Variants in KCNQ4 observed in about 807,000 individuals in gnomAD.
KCNQ4 encodes potassium voltage-gated channel subfamily KQT member 4.
In KCNQ4, 31 loss-of-function variants were observed where a neutral mutation model predicts 72.6. The ratio of observed to expected loss-of-function variants is 0.43; its 90% CI spans 0.32 to 0.58. The LOEUF is 0.58. KCNQ4 is among the 20% of genes least tolerant of loss of function. The pLI is 0.08. For synonymous variants in KCNQ4, 405 were observed against 403.7 expected (o/e 1.00, Z -0.04); for missense variants, 869 against 962.6 (o/e 0.90, Z 1.29).
At chr1:40,786,031 G>A (rs952702066) in intron 1 of KCNQ4, among the ~76,000 whole-genome samples, 6 of 152,180 alleles carry the variant, frequency 3.9e-5, no homozygotes, top group Non-Finnish European at 8.8e-5. Flanking sequence ...GGGAGGCCTA[G>A]GATGAATATT....
intron 1 of KCNQ4, among the ~76,000 whole-genome samples, chr1:40,805,399 C>T (rs994529777): frequency 2.0e-5 from 3 of 152,124 alleles, no homozygotes; most frequent in African/African-American, 7.2e-5. Flanking sequence ...GTCCGCTTTC[C>T]ACCTCCCCTG....
At chr1:40,820,080 AG>A (rs1156824671) in intron 6 of KCNQ4, 84 bp from the exon 7 acceptor site, 1 of 1,527,106 alleles carries the variant, frequency 6.5e-7, no homozygotes, top group East Asian at 2.3e-5. Context: ...GGTACCTCAG[AG>A]GGGCAAGGAT....
At chr1:40,829,243 C>T (rs999897466) in intron 9 of KCNQ4, among the ~76,000 whole-genome samples, 2 of 152,194 alleles carry the variant, frequency 1.3e-5, no homozygotes, top group African/African-American at 4.8e-5. Flanking sequence ...ACGGACCGGG[C>T]AGGGTGGAGG....
intron 9 of KCNQ4, among the ~76,000 whole-genome samples, chr1:40,829,430 C>A (rs1220412893): frequency 6.6e-6 from 1 of 152,100 alleles, no homozygotes; most frequent in African/African-American, 2.4e-5. Context: ...ACCCTCAGGG[C>A]CCCCATCCTT....
chr1:40,795,163 G>C (rs1310256892), intron 1 of KCNQ4, among the ~76,000 whole-genome samples: 2 of 151,864 alleles, frequency 1.3e-5, no homozygotes, highest in Non-Finnish European at 2.9e-5. Context: ...ATTGCCATCT[G>C]TCCCTGCTCA....
chr1:40,824,349 C>G lies in KCNQ4; in HGVS notation c.1292+91C>G, dbSNP rs1407926173. On this transcript the variant is annotated intron_variant, in intron 9 of 13. Transcript: ENST00000347132. ...ATCCTCTCTCAGACCTGCCTTCAGC[C>G]ACTTCGTGGGTGTCTGGGCCTGTTT... The G allele has an allele frequency of 4.9e-6, 7 of 1,416,288 alleles. No homozygotes were observed. In the Admixed American group the frequency reaches 1.2e-4, roughly 24 times the overall value. The allele number at this position is 1,416,288 out of a possible 1,614,324, so 87.7% of individuals were successfully genotyped here. A position where few individuals can be genotyped will look rare whatever the true frequency, so the allele number is the denominator to read the frequency against.
intron 1 of KCNQ4, among the ~76,000 whole-genome samples, chr1:40,807,433 G>A (rs570567214): frequency 3.0e-4 from 46 of 152,272 alleles, no homozygotes; most frequent in African/African-American, 1.0e-3. Flanking sequence ...CAGTGGCGGC[G>A]GCCCTGGTGT....
chr1:40,835,114 CT>C lies in KCNQ4; in HGVS notation c.1745+17del. ...TGCAAACTCGGTGGGTGCACCGGGC[CT>C]GTTGGGAGGCAGGGGCAGGGAGGCA... On this transcript the variant is annotated intron_variant, in intron 12 of 13. Transcript: ENST00000347132. 6.2e-7 allele frequency: 1 copy of C among 1,610,742 alleles called. No homozygotes were observed. Among genetic ancestry groups the C allele is most frequent in the Non-Finnish European group, 8.5e-7 (1 of 1,177,490 alleles).
chr1:40,805,352 G>A (rs1013816372), intron 1 of KCNQ4, among the ~76,000 whole-genome samples: 1 of 152,056 alleles, frequency 6.6e-6, no homozygotes, highest in Non-Finnish European at 1.5e-5. Flanking sequence ...ATCTCACTCA[G>A]AGTAAAAGCC....
chr1:40,803,189 C>T (rs1647638263), intron 1 of KCNQ4, among the ~76,000 whole-genome samples: 1 of 152,188 alleles, frequency 6.6e-6, no homozygotes, highest in South Asian at 2.1e-4. Context: ...ACAGAAGTCC[C>T]TGAGGACTGG....
intron 1 of KCNQ4, among the ~76,000 whole-genome samples, chr1:40,785,093 G>T (rs1188267412): frequency 6.6e-6 from 1 of 152,218 alleles, no homozygotes; most frequent in Non-Finnish European, 1.5e-5. Flanking sequence ...CAGCTCGCCT[G>T]CCTTGTTGGC....
At chr1:40,818,810 GAGCCCTAGCAGGAGGCGAGGTCT>G in intron 4 of KCNQ4, 130 bp downstream of exon 4, 4 of 1,074,232 alleles carry the variant, frequency 3.7e-6, no homozygotes, top group Non-Finnish European at 5.5e-6. Context: ...GCGGGGGTTG[GAGCCCTAGCAGGAGGCGAGGTCT>G]AAGCGGGTGG....
intron 4 of KCNQ4, 169 bp downstream of exon 4, chr1:40,818,849 A>C (rs1648187536): frequency 8.7e-6 from 6 of 689,274 alleles, no homozygotes; most frequent in Non-Finnish European, 1.5e-5. Context: ...GGTGGGGCGA[A>C]GTGGATTCTG....
At chr1:40,818,383 G>C in intron 3 of KCNQ4, 93 bp downstream of exon 3, 1 of 1,585,962 alleles carries the variant, frequency 6.3e-7, no homozygotes, top group Non-Finnish European at 8.6e-7. Flanking sequence ...CTGGAGACCC[G>C]CACAGATTCA....
At chr1:40,821,484 A>AG (rs112895183) in intron 7 of KCNQ4, among the ~76,000 whole-genome samples, 14,865 of 152,080 alleles carry the variant, frequency 0.098, 797 homozygotes, top group East Asian at 0.22. Context: ...TCCTACGTGG[A>AG]GGGAGAGGGA....
chr1:40,830,474 G>A (rs1648605095), intron 9 of KCNQ4, among the ~76,000 whole-genome samples: 2 of 152,142 alleles, frequency 1.3e-5, no homozygotes, highest in Non-Finnish European at 1.5e-5. Flanking sequence ...GGGAGTGGAG[G>A]AAAATATGAA....
Position 40,817,241 on chromosome 1 carries a change from C to CAGGG in KCNQ4, c.315-24_315-23insAGGG. On this transcript the variant is annotated intron_variant, in intron 1 of 13. Coordinates refer to ENST00000347132, the MANE Select transcript of KCNQ4 (RefSeq NM_004700.4). This position sits in a 1 kb window ranked among gnomAD's most constrained non-coding sequence, Gnocchi z 5.5. Reference sequence around the variant, plus strand: ...GTCCTGTCCCTCCAACAATCTAACCCTCTCCCTCATGTTGTAATTGCAGAT... The same window carrying CAGGG: ...GTCCTGTCCCTCCAACAATCTAACCCAGGGTCTCCCTCATGTTGTAATTGCAGAT... 1 of 1,596,118 alleles carries CAGGG rather than the reference C, an allele frequency of 6.3e-7. No homozygotes were observed. Among genetic ancestry groups the CAGGG allele is most frequent in the Non-Finnish European group, 8.6e-7 (1 of 1,164,780 alleles).
chr1:40,807,845 T>C (rs906113243), intron 1 of KCNQ4, among the ~76,000 whole-genome samples: 6 of 152,192 alleles, frequency 3.9e-5, no homozygotes, highest in African/African-American at 1.4e-4. Context: ...CTTTGGGCCC[T>C]GGTCTAGGGG....
chr1:40,798,747 C>G (rs1011358987), intron 1 of KCNQ4, among the ~76,000 whole-genome samples: 2 of 152,244 alleles, frequency 1.3e-5, no homozygotes, highest in Non-Finnish European at 2.9e-5. Flanking sequence ...TATGTGGAAG[C>G]TGGGCTGGGC....
Sources: gnomAD v4.1 joint callset for allele counts (sites outside exome capture counted in the v4.1 genomes callset) on GRCh38, gnomAD v4.1.1 for gene constraint, Gnocchi (gnomAD v3.1) non-coding constraint, MANE v1.5 for transcripts, NCBI Gene and HGNC (gene_info 2026-07-23, HGNC 2026-07-21) for gene names.